Variants in FNIP1 observed in about 807,000 individuals in gnomAD.
FNIP1 encodes folliculin-interacting protein 1.
In FNIP1, 40 loss-of-function variants were observed where a neutral mutation model predicts 124.5. The observed-to-expected ratio is 0.32, with a 90% CI of 0.25 to 0.42. The LOEUF is 0.42. FNIP1 is among the 10% of genes least tolerant of loss of function. The pLI, the probability that FNIP1 is intolerant of heterozygous loss-of-function variation, is 1.00. For missense variants in FNIP1, 1,176 were observed against 1,403.7 expected (o/e 0.84, Z 2.59); for synonymous variants, 472 against 470.6 (o/e 1.00, Z -0.04).
chr5:131,644,784 A>T, intron 17 of FNIP1, 21 bp from the exon 18 acceptor site: 2 of 1,612,184 alleles, frequency 1.2e-6, no homozygotes, highest in Non-Finnish European at 1.7e-6. Flanking sequence ...GGGGAAAAAA[A>T]TGTCAGTTTT....
intron 11 of FNIP1, among the ~76,000 whole-genome samples, chr5:131,687,687 G>C (rs1398620248): frequency 5.3e-5 from 8 of 152,150 alleles, no homozygotes; most frequent in Non-Finnish European, 1.2e-4. Context: ...CTGAGATCAA[G>C]TTACCTGAAG....
chr5:131,729,505 C>G (rs1235909578), intron 3 of FNIP1, among the ~76,000 whole-genome samples: 1 of 152,216 alleles, frequency 6.6e-6, no homozygotes, highest in Non-Finnish European at 1.5e-5. Context: ...CAGAAATCAC[C>G]CGCCTTCTGC....
chr5:131,671,397 G>A (rs191758840), intron 14 of FNIP1, 108 bp downstream of exon 14: 78 of 906,300 alleles, frequency 8.6e-5, no homozygotes, highest in Admixed American at 1.2e-4. Context: ...AAACAAGAGA[G>A]CTATCCAGAA....
At chr5:131,711,459 C>T (rs542976905) in intron 6 of FNIP1, among the ~76,000 whole-genome samples, 1 of 152,296 alleles carries the variant, frequency 6.6e-6, no homozygotes, top group South Asian at 2.1e-4. Context: ...GGATGGAATA[C>T]GGGGCTTTCT....
intron 1 of FNIP1, among the ~76,000 whole-genome samples, chr5:131,794,118 C>G (rs1228496888): frequency 1.3e-5 from 2 of 150,594 alleles, no homozygotes; most frequent in Non-Finnish European, 3.0e-5. Context: ...TACTTAGGAG[C>G]CTACTCAGGA....
intron 1 of FNIP1, among the ~76,000 whole-genome samples, chr5:131,753,749 AGAC>A (rs1770957102): frequency 6.6e-6 from 1 of 152,234 alleles, no homozygotes; most frequent in Admixed American, 6.5e-5. Flanking sequence ...TAAAAGAGAA[AGAC>A]TACTAAAAAA....
rs745465011 is a variant in FNIP1, at chr5:131,671,714, GGA to G, written c.2728_2729del (p.Ser910HisfsTer8). 1 of 1,614,164 alleles carries G rather than the reference GGA, an allele frequency of 6.2e-7. No individual in the cohort carries two copies. On this transcript the variant is annotated frameshift_variant, in exon 14 of 18. Transcript: ENST00000510461. LOFTEE classifies it high-confidence loss of function. ...FPQQDQRDTLSILVPHGDKES... is the reference protein window; with the variant it reads ...FPQQDQRDTLXILVPHGDKES... ...CTTTATCCCCATGGGGGACAAGAAT[GGA>G]GAGTGTATCTCTTTGGTCCTGCTGA...
At chr5:131,774,112 G>T (rs1026977494) in intron 1 of FNIP1, among the ~76,000 whole-genome samples, 5 of 152,160 alleles carry the variant, frequency 3.3e-5, no homozygotes, top group Admixed American at 6.5e-5. Context: ...CAGCAACTTT[G>T]AACTCCTGGG....
intron 2 of FNIP1, among the ~76,000 whole-genome samples, chr5:131,743,391 G>A (rs576202193): frequency 3.3e-5 from 5 of 151,956 alleles, no homozygotes; most frequent in Admixed American, 2.0e-4. Context: ...CTGAGACACC[G>A]AGAGACAGAG....
intron 3 of FNIP1, among the ~76,000 whole-genome samples, chr5:131,720,202 T>C (rs1468319966): frequency 6.6e-6 from 1 of 152,182 alleles, no homozygotes; most frequent in Non-Finnish European, 1.5e-5. Flanking sequence ...CCTACATGTA[T>C]ACAGTCAACT....
chr5:131,703,934 C>T, intron 10 of FNIP1, 131 bp downstream of exon 10: 2 of 679,412 alleles, frequency 2.9e-6, no homozygotes, highest in Non-Finnish European at 4.9e-6. Context: ...AATCTATTTG[C>T]ATCCACCAGA....
At chr5:131,734,225 T>C (rs1770204919) in intron 2 of FNIP1, among the ~76,000 whole-genome samples, 1 of 152,168 alleles carries the variant, frequency 6.6e-6, no homozygotes, top group Non-Finnish European at 1.5e-5. Flanking sequence ...TCTCTTTTCT[T>C]ATTAGTCGTG....
At chr5:131,740,874 A>G (rs987477096) in intron 2 of FNIP1, among the ~76,000 whole-genome samples, 2 of 152,192 alleles carry the variant, frequency 1.3e-5, no homozygotes, top group Non-Finnish European at 2.9e-5. Flanking sequence ...CACCAAAACC[A>G]AGATGGCGAC....
chr5:131,693,948 A>C (rs970809406), intron 11 of FNIP1, among the ~76,000 whole-genome samples: 18 of 152,236 alleles, frequency 1.2e-4, no homozygotes, highest in Non-Finnish European at 2.5e-4. Flanking sequence ...AAAGATACAC[A>C]GATGGCAAAT....
chr5:131,751,546 C>A (rs1770872095), intron 1 of FNIP1, among the ~76,000 whole-genome samples: 3 of 147,162 alleles, frequency 2.0e-5, no homozygotes, highest in African/African-American at 5.0e-5. Flanking sequence ...CTAAATATTT[C>A]AGGAGTGAAT....
At chr5:131,796,097 A>G (rs4705897) in intron 1 of FNIP1, 151,658 of 152,370 alleles carry the variant, frequency 1, 75,478 homozygotes, top group East Asian at 1. Context: ...AAAATGCTCT[A>G]CTAACATTTT....
chr5:131,722,349 T>C (rs1381112192), intron 3 of FNIP1, among the ~76,000 whole-genome samples: 3 of 152,194 alleles, frequency 2.0e-5, no homozygotes, highest in African/African-American at 7.2e-5. Flanking sequence ...CAACCCCTAA[T>C]TTGTTTAAGC....
In FNIP1 at chr5:131,709,182, T is replaced by C; in HGVS notation, c.778+19A>G. The C allele has an allele frequency of 1.2e-6, 2 of 1,606,040 alleles. No homozygotes were observed. The highest frequency in any genetic ancestry group is 2.2e-5 in the South Asian group (2 of 90,500). ...AACAGTAATCTCATAAAAAACTGAA[T>C]ACAAGAACGTGACATTACCAGACCG... On this transcript the variant is annotated intron_variant, in intron 8 of 17. Coordinates refer to ENST00000510461, the MANE Select transcript of FNIP1 (RefSeq NM_133372.3).
chr5:131,648,310 C>CAA (rs11370785), intron 16 of FNIP1, among the ~76,000 whole-genome samples: 5 of 115,892 alleles, frequency 4.3e-5, no homozygotes, highest in South Asian at 2.7e-4. Flanking sequence ...ACAAAAGTTA[C>CAA]AAAAAAAAAA....
Sources: gnomAD v4.1 joint callset for allele counts (sites outside exome capture counted in the v4.1 genomes callset) on GRCh38, gnomAD v4.1.1 for gene constraint, MANE v1.5 for transcripts, NCBI Gene and HGNC (gene_info 2026-07-23, HGNC 2026-07-21) for gene names.